GRIN2A: variants seen among roughly 807,000 people sequenced by gnomAD.
The protein encoded by GRIN2A is glutamate receptor ionotropic, NMDA 2A.
Under a neutral mutation model 113.4 loss-of-function variants are expected in GRIN2A, and 22 were observed. The ratio of observed to expected loss-of-function variants is 0.19; its 90% CI spans 0.14 to 0.28. The LOEUF (loss-of-function observed/expected upper bound fraction) is 0.28, where lower values mean the gene tolerates loss of function less well. Among genes scored for constraint, GRIN2A ranks in the 10% least tolerant of loss-of-function variants. The pLI is 1.00. For missense variants in GRIN2A, 1,502 were observed against 1,887.0 expected (o/e 0.80, Z 3.78); for synonymous variants, 827 against 738.4 (o/e 1.12, Z -1.94).
intron 11 of GRIN2A, among the ~76,000 whole-genome samples, chr16:9,784,280 A>T (rs1311146347): frequency 6.6e-6 from 1 of 152,104 alleles, no homozygotes; most frequent in Non-Finnish European, 1.5e-5. Flanking sequence ...AAATACAAAA[A>T]TTAGCCAGGC....
chr16:10,173,978 C>G (rs915215884), intron 2 of GRIN2A, among the ~76,000 whole-genome samples: 1 of 151,896 alleles, frequency 6.6e-6, no homozygotes, highest in Admixed American at 6.6e-5. Flanking sequence ...GTATTGCTTG[C>G]AAATAAGAAA....
intron 5 of GRIN2A, among the ~76,000 whole-genome samples, chr16:9,842,183 G>A (rs75339517): frequency 0.025 from 3,757 of 152,112 alleles, 106 homozygotes; most frequent in East Asian, 0.15. Flanking sequence ...CCCAGGAGGC[G>A]GGGGCTGCAG....
At position 10,008,067 on chromosome 16, in the gene GRIN2A, A is replaced by G. The variant is rs145810902; in HGVS notation, c.415-69516T>C. Among the ~76,000 whole-genome samples the G allele has an allele frequency of 9.2e-5, 14 of 152,310 alleles. No homozygotes were observed. The East Asian group carries it at 2.7e-3, about 29-fold the overall frequency. On this transcript the variant is annotated intron_variant, in intron 2 of 12. Coordinates refer to ENST00000330684, the MANE Select transcript of GRIN2A (RefSeq NM_001134407.3). ...GTACATGGCATACAGTAGGCACTCT[A>G]TGAACATGAGCTGAACTTGAACATC...
At chr16:9,795,451 G>T (rs1466511156) in intron 11 of GRIN2A, among the ~76,000 whole-genome samples, 1 of 152,062 alleles carries the variant, frequency 6.6e-6, no homozygotes, top group African/African-American at 2.4e-5. Flanking sequence ...CCCAGCCTTG[G>T]GTCTGCTCTG....
intron 2 of GRIN2A, among the ~76,000 whole-genome samples, chr16:10,066,035 T>C (rs1376444710): frequency 6.6e-6 from 1 of 152,200 alleles, no homozygotes; most frequent in Non-Finnish European, 1.5e-5. Context: ...TAAGAGATCA[T>C]TTATCTGTCC....
At chr16:9,886,155 G>A (rs936516854) in intron 4 of GRIN2A, among the ~76,000 whole-genome samples, 11 of 152,154 alleles carry the variant, frequency 7.2e-5, no homozygotes, top group African/African-American at 2.7e-4. Context: ...TGATTTGGTG[G>A]CTCCAAAAGT....
intron 2 of GRIN2A, among the ~76,000 whole-genome samples, chr16:10,136,018 C>T (rs2049184268): frequency 6.6e-6 from 1 of 152,194 alleles, no homozygotes; most frequent in Non-Finnish European, 1.5e-5. Context: ...CTATCTCCTC[C>T]CCTGGGGCCA....
intron 2 of GRIN2A, among the ~76,000 whole-genome samples, chr16:10,081,763 G>T (rs1429688631): frequency 6.6e-6 from 1 of 152,112 alleles, no homozygotes; most frequent in Non-Finnish European, 1.5e-5. Flanking sequence ...TTCATAAATG[G>T]CACAGTCTCC....
chr16:10,038,035 T>A (rs990494415), intron 2 of GRIN2A, among the ~76,000 whole-genome samples: 2 of 152,178 alleles, frequency 1.3e-5, no homozygotes, highest in African/African-American at 4.8e-5. Context: ...TGCCTTAGTC[T>A]GTTCAGGCTG....
At chr16:9,786,700 C>T (rs994309760) in intron 11 of GRIN2A, among the ~76,000 whole-genome samples, 2 of 152,142 alleles carry the variant, frequency 1.3e-5, no homozygotes, top group Non-Finnish European at 2.9e-5. Context: ...AAGATCCTGG[C>T]GCCCTCCTGC....
intron 2 of GRIN2A, among the ~76,000 whole-genome samples, chr16:10,006,755 A>T (rs948675879): frequency 1.3e-5 from 2 of 151,942 alleles, no homozygotes; most frequent in Non-Finnish European, 2.9e-5. Flanking sequence ...TTACCCATTA[A>T]CCCTCCCTAT....
Position 9,829,407 on chromosome 16 carries a change from A to G in GRIN2A, c.2007+16T>C, listed in dbSNP as rs371738664. The G allele has an allele frequency of 4.3e-4, 670 of 1,562,044 alleles. 1 individual carries two copies. Among genetic ancestry groups the G allele is most frequent in the Non-Finnish European group, 5.5e-4 (626 of 1,133,240 alleles). Reference sequence around the variant, plus strand: ...AGACCAACCCTCAGATGGAGAGGAAAGCAAGGTGACCTTACCTTTTTGTCA... The same window carrying G: ...AGACCAACCCTCAGATGGAGAGGAAGGCAAGGTGACCTTACCTTTTTGTCA... On this transcript the variant is annotated intron_variant, in intron 9 of 12. Transcript: ENST00000330684.
chr16:9,972,983 T>C (rs895712479), intron 2 of GRIN2A, among the ~76,000 whole-genome samples: 6 of 152,186 alleles, frequency 3.9e-5, no homozygotes, highest in Non-Finnish European at 7.3e-5. Flanking sequence ...ATTGGCTGTC[T>C]GGAGATGAAA....
Position 9,764,196 on chromosome 16 carries a change from C to T in GRIN2A, c.3348G>A (p.Lys1116=), listed in dbSNP as rs766142005. 3.1e-6 allele frequency: 5 copies of T among 1,613,412 alleles called. No individual in the cohort carries two copies. The African/African-American group carries it at 6.7e-5, about 22-fold the overall frequency. The change falls in exon 13 of 13, where the codon AAG becomes AAA. Residue 1116 remains lysine, a synonymous_variant. Coordinates refer to ENST00000330684, the MANE Select transcript of GRIN2A (RefSeq NM_001134407.3). ...LKTKSSSPRD[K]IYTIDGEKEP... is the part of the protein sequence containing the mutation. ...CCTTCTCACCATCTATAGTGTAGAT[C>T]TTGTCTCTAGGGGAGCTTGATTTGG...
Position 9,764,595 on chromosome 16 carries a change from T to C in GRIN2A, c.2949A>G (p.Gln983=), listed in dbSNP as rs2141135761. Residue 983 remains glutamine, a synonymous_variant, in exon 13 of 13, where the codon CAA becomes CAG. Coordinates refer to ENST00000330684, the MANE Select transcript of GRIN2A (RefSeq NM_001134407.3). ...TGGACTCATTGAGAGTAAGAGGATG[T>C]TGTCCCTGGAATACATAGTTATTGA... ...DNLNNYVFQG[Q]HPLTLNESNP... is the part of the protein sequence containing the mutation. 1.2e-6 allele frequency: 2 copies of C among 1,614,086 alleles called. No homozygotes were observed. Among genetic ancestry groups the C allele is most frequent in the Non-Finnish European group, 1.7e-6 (2 of 1,180,016 alleles).
intron 2 of GRIN2A, among the ~76,000 whole-genome samples, chr16:10,124,600 T>G (rs900711796): frequency 6.6e-6 from 1 of 152,124 alleles, no homozygotes; most frequent in African/African-American, 2.4e-5. Context: ...TTTTTCCAGG[T>G]GGTCCAGGTG....
chr16:10,135,366 C>T (rs574703364), intron 2 of GRIN2A, among the ~76,000 whole-genome samples: 1 of 152,236 alleles, frequency 6.6e-6, no homozygotes, highest in South Asian at 2.1e-4. Context: ...TGATGTATGC[C>T]TTCTCTAACA....
At chr16:9,902,077 A>C (rs539026343) in intron 3 of GRIN2A, among the ~76,000 whole-genome samples, 1 of 152,336 alleles carries the variant, frequency 6.6e-6, no homozygotes, top group African/African-American at 2.4e-5. Flanking sequence ...GTGAAAAGCT[A>C]TACGGGTCAA....
At chr16:9,887,959 G>A (rs2043617440) in intron 4 of GRIN2A, among the ~76,000 whole-genome samples, 1 of 152,186 alleles carries the variant, frequency 6.6e-6, no homozygotes, top group East Asian at 1.9e-4. Context: ...CAGGGGGGCT[G>A]AGGTGGAGTC....
Sources: allele counts gnomAD v4.1 joint callset (sites outside exome capture counted in the v4.1 genomes callset), GRCh38; gene constraint gnomAD v4.1.1; transcripts MANE v1.5; gene names NCBI Gene and HGNC (gene_info 2026-07-23, HGNC 2026-07-21).